USP15: variants seen among roughly 807,000 people sequenced by gnomAD.
USP15 encodes ubiquitin carboxyl-terminal hydrolase 15.
USP15 carries 18 observed loss-of-function variants against 127.1 expected under a neutral mutation model. The observed-to-expected ratio is 0.14, with a 90% CI of 0.10 to 0.21. USP15 has a LOEUF of 0.21. Ranked by LOEUF, USP15 falls within the 10% of genes least tolerant of loss-of-function variation. The pLI is 1.00. For missense variants in USP15, 805 were observed against 1,159.9 expected (o/e 0.69, Z 4.44); for synonymous variants, 364 against 393.7 (o/e 0.92, Z 0.89).
intron 3 of USP15, among the ~76,000 whole-genome samples, chr12:62,309,205 G>GAGAGT: frequency 6.6e-6 from 1 of 152,154 alleles, no homozygotes; most frequent in South Asian, 2.1e-4. Context: ...AGAATAAAAA[G>GAGAGT]AGAGTAGGCA....
intron 1 of USP15, among the ~76,000 whole-genome samples, chr12:62,262,611 A>T (rs1319603366): frequency 7.0e-6 from 1 of 142,710 alleles, no homozygotes; most frequent in African/African-American, 2.8e-5. Context: ...TTTTCAAATA[A>T]GTATATTTTT....
chr12:62,365,288 G>A (rs2137495976), intron 8 of USP15, among the ~76,000 whole-genome samples: 1 of 152,208 alleles, frequency 6.6e-6, no homozygotes, highest in East Asian at 1.9e-4. Flanking sequence ...ATTTTGATTT[G>A]CATTTCTCTA....
At chr12:62,322,197 G>C (rs143466143) in intron 5 of USP15, among the ~76,000 whole-genome samples, 1,793 of 152,116 alleles carry the variant, frequency 0.012, 36 homozygotes, top group African/African-American at 0.04. Flanking sequence ...ATGCAATCTC[G>C]GCTCACTGCA....
chr12:62,384,853 C>G (rs1478856490), intron 11 of USP15, among the ~76,000 whole-genome samples: 1 of 151,746 alleles, frequency 6.6e-6, no homozygotes, highest in East Asian at 1.9e-4. Context: ...GTGCAAAAGT[C>G]CTGTGGTAAG....
intron 1 of USP15, chr12:62,267,189 CTG>C (rs1312782000): frequency 6.6e-6 from 1 of 152,068 alleles, no homozygotes; most frequent in Non-Finnish European, 1.5e-5. Context: ...AATTCACATT[CTG>C]TGTCTCATAT....
rs185347099 is a variant in USP15, at chr12:62,400,581, C to G, written c.2675-606C>G. Reference sequence around the variant, plus strand: ...CCATGTATGCACAGGACCGACTACACTTTTGTTAAAGACTAAAAGAGATTC... The same window carrying G: ...CCATGTATGCACAGGACCGACTACAGTTTTGTTAAAGACTAAAAGAGATTC... On this transcript the variant is annotated intron_variant, in intron 20 of 21. Coordinates refer to ENST00000280377, the MANE Select transcript of USP15 (RefSeq NM_001252078.2). 1.3e-3 allele frequency among the ~76,000 whole-genome samples: 193 copies of G among 144,492 alleles called. 1 individual carries two copies. Among genetic ancestry groups the G allele is most frequent in the Admixed American group, 0.013 (181 of 14,382 alleles). The allele number at this position is 144,492 out of a possible 152,430, so 94.8% of individuals were successfully genotyped here. A position where few individuals can be genotyped will look rare whatever the true frequency, so the allele number is the denominator to read the frequency against.
rs1040991710 is a variant in USP15, at chr12:62,392,130, G to A, written c.2305-142G>A. 10 of 692,132 alleles carry A rather than the reference G, an allele frequency of 1.4e-5. No individual in the cohort carries two copies. The South Asian group carries it at 1.7e-4, about 12-fold the overall frequency. 42.9% of individuals were successfully genotyped at this position (692,132 alleles called of 1,614,324 possible). A position where few individuals can be genotyped will look rare whatever the true frequency, so the allele number is the denominator to read the frequency against. ...AGAAGTGTACAGGAATTATTTAGAA[G>A]TATATAAATCTCAACTGAAATAAGC... On this transcript the variant is annotated intron_variant, in intron 17 of 21. Coordinates refer to ENST00000280377, the MANE Select transcript of USP15 (RefSeq NM_001252078.2).
chr12:62,326,917 G>T (rs2065144148), intron 6 of USP15, among the ~76,000 whole-genome samples: 1 of 152,044 alleles, frequency 6.6e-6, no homozygotes, highest in Non-Finnish European at 1.5e-5. Flanking sequence ...AGATCAAGAG[G>T]TCAGGAGTTT....
rs549479253 is a variant in USP15, at chr12:62,414,079, C to T, written c.*9704C>T. The T allele has an allele frequency of 6.6e-6, 1 of 152,274 alleles. No individual in the cohort carries two copies. Among genetic ancestry groups the T allele is most frequent in the African/African-American group, 2.4e-5 (1 of 41,540 alleles). The allele number at this position is 152,274 out of a possible 1,614,324, so 9.4% of individuals were successfully genotyped here. A position where few individuals can be genotyped will look rare whatever the true frequency, so the allele number is the denominator to read the frequency against. Reference sequence around the variant, plus strand: ...AGTGGAGCAGTTGGAACACACACGTCTGTGCCCTCAAACAAAACAGTAACA... The same window carrying T: ...AGTGGAGCAGTTGGAACACACACGTTTGTGCCCTCAAACAAAACAGTAACA... On this transcript the variant is annotated 3_prime_UTR_variant, in exon 22 of 22. Transcript: ENST00000280377.
intron 8 of USP15, among the ~76,000 whole-genome samples, chr12:62,358,768 G>A (rs1024023265): frequency 6.6e-6 from 1 of 151,944 alleles, no homozygotes. Context: ...TTAAAACAAT[G>A]CAGTATAACA....
In USP15 at chr12:62,349,312, G is replaced by A; in HGVS notation, c.770+5G>A. ...TAACAACATGAACAACAGAAAGTAA[G>A]CACTGAATCTTAAAAACTCTTTGTT... On this transcript the variant is annotated splice_donor_5th_base_variant and intron_variant, in intron 7 of 21. Transcript: ENST00000280377. 1 of 1,456,306 alleles carries A rather than the reference G, an allele frequency of 6.9e-7. No individual in the cohort carries two copies. The allele number at this position is 1,456,306 out of a possible 1,614,324, so 90.2% of individuals were successfully genotyped here. A position where few individuals can be genotyped will look rare whatever the true frequency, so the allele number is the denominator to read the frequency against.
chr12:62,317,164 T>A (rs2064853864), intron 4 of USP15, among the ~76,000 whole-genome samples: 1 of 152,156 alleles, frequency 6.6e-6, no homozygotes, highest in Non-Finnish European at 1.5e-5. Flanking sequence ...AATTTGAAAG[T>A]CTGTGGTAGA....
At chr12:62,334,912 G>A (rs1486382669) in intron 6 of USP15, among the ~76,000 whole-genome samples, 1 of 152,056 alleles carries the variant, frequency 6.6e-6, no homozygotes, top group Non-Finnish European at 1.5e-5. Flanking sequence ...GCCTTGAATT[G>A]CATGTTTTTA....
chr12:62,338,994 T>C (rs2065568827), intron 6 of USP15, among the ~76,000 whole-genome samples: 1 of 152,196 alleles, frequency 6.6e-6, no homozygotes, highest in African/African-American at 2.4e-5. Context: ...TAGTTTTTTC[T>C]AATTCTGTGA....
At position 62,393,156 on chromosome 12, in the gene USP15, C is replaced by T. The variant is rs755115146; in HGVS notation, c.2524C>T (p.Arg842Ter). The T allele has an allele frequency of 6.2e-7, 1 of 1,613,762 alleles. No homozygotes were observed. The highest frequency in any genetic ancestry group is 1.7e-5 in the Admixed American group (1 of 60,006). The change falls in exon 19 of 22, where the codon CGA (arginine) becomes TGA (stop). Residue 842 changes from arginine to a stop codon, truncating the protein, a stop_gained. Transcript: ENST00000280377. LOFTEE classifies it high-confidence loss of function. The part of the protein sequence containing the change: ...VVHLKRFSYS[R>*]YMRDKLDTLV... Reference sequence around the variant, plus strand: ...ACATCTCAAGCGATTTTCTTACAGTCGATACATGAGAGACAAGTTGGATAC... The same window carrying T: ...ACATCTCAAGCGATTTTCTTACAGTTGATACATGAGAGACAAGTTGGATAC...
intron 1 of USP15, among the ~76,000 whole-genome samples, chr12:62,276,155 G>T (rs1373125148): frequency 1.3e-5 from 2 of 152,084 alleles, no homozygotes; most frequent in African/African-American, 4.8e-5. Flanking sequence ...GAAACAGGAA[G>T]ATTATAGTGA....
At chr12:62,299,503 T>C (rs893413670) in intron 2 of USP15, among the ~76,000 whole-genome samples, 6 of 152,242 alleles carry the variant, frequency 3.9e-5, no homozygotes, top group Admixed American at 3.9e-4. Context: ...CAGTACTTGA[T>C]TTCTTTTTAT....
intron 20 of USP15, among the ~76,000 whole-genome samples, chr12:62,400,083 G>A (rs997622453): frequency 8.5e-5 from 13 of 152,104 alleles, no homozygotes; most frequent in Non-Finnish European, 1.9e-4. Flanking sequence ...ACCCTACAAA[G>A]TGTCACTTTT....
intron 2 of USP15, 86 bp from the exon 3 acceptor site, chr12:62,302,704 T>C (rs1186648966): frequency 7.1e-7 from 1 of 1,408,800 alleles, no homozygotes; most frequent in Non-Finnish European, 9.6e-7. Context: ...TTTTAAATAC[T>C]TAAATTAGCC....
Sources: allele counts gnomAD v4.1 joint callset (sites outside exome capture counted in the v4.1 genomes callset), GRCh38; gene constraint gnomAD v4.1.1; transcripts MANE v1.5; gene names NCBI Gene and HGNC (gene_info 2026-07-23, HGNC 2026-07-21).